The following AARS2 variants were observed in gnomAD, a reference collection of about 807,000 sequenced individuals.
AARS2 encodes alanyl-tRNA synthetase 2, mitochondrial.
Under a neutral mutation model 119.7 loss-of-function variants are expected in AARS2, and 78 were observed. The observed-to-expected ratio is 0.65, with a 90% CI of 0.54 to 0.79. AARS2 has a LOEUF of 0.79. AARS2 is among the 30% of genes least tolerant of loss of function. AARS2 has a pLI of 0.00. For synonymous variants in AARS2, 502 were observed against 526.3 expected (o/e 0.95, Z 0.63); for missense variants, 1,157 against 1,291.3 (o/e 0.90, Z 1.59).
At position 44,301,423 on chromosome 6, in the gene AARS2, C is replaced by G. The variant is rs1204084676; in HGVS notation, c.2640G>C (p.Lys880Asn). Residue 880 changes from lysine to asparagine, a missense_variant, in exon 20 of 22, where the codon AAG becomes AAC. Transcript: ENST00000244571. The part of the protein sequence containing the change: ...KTQELLERHS[K>N]GPLIVDTVSA... ...AGACTGTGTCCACAATCAGAGGCCCCTTCGAGTGCCGCTCCAGCAGCTCCT... is the reference window on the plus strand; with the variant it reads ...AGACTGTGTCCACAATCAGAGGCCCGTTCGAGTGCCGCTCCAGCAGCTCCT... 6.2e-7 allele frequency: 1 copy of G among 1,613,984 alleles called. No individual in the cohort carries two copies. The highest frequency in any genetic ancestry group is 2.2e-5 in the East Asian group (1 of 44,880).
At position 44,305,558 on chromosome 6, in the gene AARS2, G is replaced by T. The variant is rs1785771356; in HGVS notation, c.1434+95C>A. 1.9e-6 allele frequency: 3 copies of T among 1,578,522 alleles called. No homozygotes were observed. Among genetic ancestry groups the T allele is most frequent in the Non-Finnish European group, 2.6e-6 (3 of 1,151,612 alleles). ...GGGACAGATCCTATCTCAGCCTCTT[G>T]ATTCCTCTCAATATTCACAGCTCCT... On this transcript the variant is annotated intron_variant, in intron 10 of 21. Coordinates refer to ENST00000244571, the MANE Select transcript of AARS2 (RefSeq NM_020745.4). The surrounding 1 kb of genome is among the most constrained non-coding windows in gnomAD (Gnocchi z 4.6).
At position 44,300,704 on chromosome 6, in the gene AARS2, A is replaced by G; in HGVS notation, c.2801T>C (p.Met934Thr). 6.2e-7 allele frequency: 1 copy of G among 1,612,706 alleles called. No homozygotes were observed. Residue 934 changes from methionine (M) to threonine (T), a missense_variant, in exon 22 of 22, where the codon ATG becomes ACG. By Grantham distance (81) the Met-to-Thr change is moderately conservative. Transcript: ENST00000244571. ...CCAGGCCTCTGCTGTGAAGGTGGGC[A>G]TGGCACCCTAGGAACAGAATCAGAA... ...LCACQVAQGA[M>T]PTFTAEAWAL...
intron 20 of AARS2, 37 bp downstream of exon 20, chr6:44,301,344 C>G (rs776401409): frequency 6.2e-7 from 1 of 1,613,886 alleles, no homozygotes; most frequent in South Asian, 1.1e-5. Context: ...TTTGCCCTCC[C>G]CAGACCCTGG....
At chr6:44,303,013 G>A in intron 16 of AARS2, 53 bp downstream of exon 16, 2 of 1,608,608 alleles carry the variant, frequency 1.2e-6, no homozygotes, top group South Asian at 1.1e-5. Flanking sequence ...AAGACCAAGG[G>A]AAGGGCAAGG....
At chr6:44,302,029 G>C (rs374438945) in intron 19 of AARS2, 31 bp downstream of exon 19, 24 of 1,607,402 alleles carry the variant, frequency 1.5e-5, no homozygotes, top group Non-Finnish European at 2.0e-5. Context: ...AGTGTCTCTG[G>C]GCACATGGGT....
At chr6:44,302,715 T>A (rs1157472557) in intron 17 of AARS2, 87 bp downstream of exon 17, 42 of 1,474,902 alleles carry the variant, frequency 2.8e-5, no homozygotes, top group Non-Finnish European at 3.9e-5. Flanking sequence ...GCTCTGCTGC[T>A]GGGCACCCCT....
In AARS2 at chr6:44,304,282, G is replaced by C; in HGVS notation, c.1906C>G (p.His636Asp). The change falls in exon 14 of 22, where the codon CAC (histidine) becomes GAC (aspartate). Residue 636 changes from histidine to aspartate, a missense_variant. His to Asp is a moderately conservative substitution (Grantham distance 81, BLOSUM62 -1). Coordinates refer to ENST00000244571, the MANE Select transcript of AARS2 (RefSeq NM_020745.4). ...LGCMAKHTATHLLNWALRQTL... is the reference protein window; with the variant it reads ...LGCMAKHTATDLLNWALRQTL... ...TGCCTCAGTGCCCAGTTCAGCAGGT[G>C]GGTGGCCGTATGCTTCGCCATGCAG... 6.2e-7 allele frequency: 1 copy of C among 1,614,202 alleles called. No homozygotes were observed. Among genetic ancestry groups the C allele is most frequent in the Non-Finnish European group, 8.5e-7 (1 of 1,180,026 alleles).
At chr6:44,311,307 G>C in intron 3 of AARS2, 83 bp downstream of exon 3, 1 of 1,607,210 alleles carries the variant, frequency 6.2e-7, no homozygotes, top group Middle Eastern at 1.7e-4. Context: ...GAAATGCTAA[G>C]ACTCTGAGGA....
chr6:44,307,309 T>C lies in AARS2; in HGVS notation c.980A>G (p.His327Arg). The change falls in exon 6 of 22, where the codon CAC becomes CGC. Residue 327 changes from histidine to arginine, a missense_variant. His to Arg is a conservative substitution (Grantham distance 29). Coordinates refer to ENST00000244571, the MANE Select transcript of AARS2 (RefSeq NM_020745.4). This position sits in a 1 kb window ranked among gnomAD's most constrained non-coding sequence, Gnocchi z 4.4. Reference sequence around the variant, plus strand: ...GATGCAGACACTGAGTGTGCGGATGTGGTCAGCCACCACGCGGTACGCTGT... The same window carrying C: ...GATGCAGACACTGAGTGTGCGGATGCGGTCAGCCACCACGCGGTACGCTGT... ...TDTAYRVVAD[H>R]IRTLSVCISD... is the part of the protein sequence containing the mutation. 1 of 1,613,812 alleles carries C rather than the reference T, an allele frequency of 6.2e-7. No homozygotes were observed. The highest frequency in any genetic ancestry group is 8.5e-7 in the Non-Finnish European group (1 of 1,179,896).
chr6:44,307,721 G>T lies in AARS2; in HGVS notation c.895-327C>A. ...GTATTAGCATGCTTGCTTTAAAGAA[G>T]AAGAAGCTGAGGCTCAGAGGAACTC... On this transcript the variant is annotated intron_variant, in intron 5 of 21. Coordinates refer to ENST00000244571, the MANE Select transcript of AARS2 (RefSeq NM_020745.4). The surrounding 1 kb of genome is among the most constrained non-coding windows in gnomAD (Gnocchi z 4.4). 1 of 382,598 alleles carries T rather than the reference G, an allele frequency of 2.6e-6. No homozygotes were observed. Among genetic ancestry groups the T allele is most frequent in the Non-Finnish European group, 4.9e-6 (1 of 203,472 alleles). The allele number at this position is 382,598 out of a possible 1,614,324, so 23.7% of individuals were successfully genotyped here.
rs1275979077 is a variant in AARS2, at chr6:44,307,438, C to T, written c.895-44G>A. On this transcript the variant is annotated intron_variant, in intron 5 of 21. Transcript: ENST00000244571. This position sits in a 1 kb window ranked among gnomAD's most constrained non-coding sequence, Gnocchi z 4.4. ...AGCCAGTGGCCCTGCCTGACCTGGC[C>T]CAGGTGGGTGCTCTTTATCGCCTCT... is the stretch of plus-strand genomic sequence containing the variant. The T allele has an allele frequency of 6.4e-7, 1 of 1,563,554 alleles. No individual in the cohort carries two copies. Among genetic ancestry groups the T allele is most frequent in the Non-Finnish European group, 8.6e-7 (1 of 1,157,978 alleles).
intron 7 of AARS2, 37 bp from the exon 8 acceptor site, chr6:44,306,569 G>A (rs1785870697): frequency 6.2e-7 from 1 of 1,613,618 alleles, no homozygotes; most frequent in African/African-American, 1.3e-5. Flanking sequence ...GGTGTGAAAG[G>A]CAACCAACCC....
Position 44,310,288 on chromosome 6 carries a change from G to C in AARS2, c.894+11C>G. On this transcript the variant is annotated intron_variant, in intron 5 of 21. Transcript: ENST00000244571. ...AGGTTAGAGGGCTTCTGGAAGGGAA[G>C]AGGCACTCACCTGCTGTATGGCGTT... The C allele has an allele frequency of 1.3e-6, 2 of 1,585,924 alleles. No individual in the cohort carries two copies. The highest frequency in any genetic ancestry group is 1.3e-5 in the African/African-American group (1 of 74,806).
At chr6:44,302,020 G>T in intron 19 of AARS2, 40 bp downstream of exon 19, 1 of 1,598,594 alleles carries the variant, frequency 6.3e-7, no homozygotes, top group African/African-American at 1.3e-5. Context: ...ATCTGCTGGA[G>T]TGTCTCTGGG....
At position 44,310,305 on chromosome 6, in the gene AARS2, T is replaced by C. The variant is rs372128653; in HGVS notation, c.888A>G (p.Ile296Met). The change falls in exon 5 of 22, where the codon ATA (isoleucine) becomes ATG (methionine). Residue 296 changes from isoleucine (I) to methionine (M), a missense_variant. By Grantham distance (10) the Ile-to-Met change is conservative. Transcript: ENST00000244571. ...TDLFSPLLNA[I>M]QQGCRAPPYL... Reference sequence around the variant, plus strand: ...GAAGGGAAGAGGCACTCACCTGCTGTATGGCGTTGAGCAGCGGGGAAAAGA... The same window carrying C: ...GAAGGGAAGAGGCACTCACCTGCTGCATGGCGTTGAGCAGCGGGGAAAAGA... The C allele has an allele frequency of 3.8e-6, 6 of 1,598,960 alleles. No individual in the cohort carries two copies. The highest frequency in any genetic ancestry group is 5.1e-6 in the Non-Finnish European group (6 of 1,172,400).
intron 14 of AARS2, 46 bp from the exon 15 acceptor site, chr6:44,303,469 C>T (rs1229919716): frequency 6.2e-7 from 1 of 1,613,544 alleles, no homozygotes; most frequent in South Asian, 1.1e-5. Context: ...GCAGTCAGCC[C>T]CACACCTCTA....
chr6:44,306,874 C>T (rs746480944), intron 7 of AARS2, 49 bp downstream of exon 7: 75 of 1,572,206 alleles, frequency 4.8e-5, no homozygotes, highest in Non-Finnish European at 6.5e-5. Flanking sequence ...TGGTAGGCTC[C>T]CCAAAGTGCC....
rs12204222 is a variant in AARS2 at position 44,301,685 on chromosome 6, T to C, written c.2599-221A>G. Among the ~76,000 whole-genome samples, 5,469 of 152,124 alleles carry C rather than the reference T, an allele frequency of 0.036. 135 individuals carry two copies. Among genetic ancestry groups the C allele is most frequent in the Middle Eastern group, 0.054 (16 of 294 alleles). ...CACTTCCCTCACCACTTCCCTTTCA[T>C]CATAGCTTCAGGCCCCTACAAATAG... On this transcript the variant is annotated intron_variant, in intron 19 of 21. Coordinates refer to ENST00000244571, the MANE Select transcript of AARS2 (RefSeq NM_020745.4).
At chr6:44,303,649 C>T (rs926839357) in intron 14 of AARS2, among the ~76,000 whole-genome samples, 5 of 151,964 alleles carry the variant, frequency 3.3e-5, no homozygotes, top group African/African-American at 9.7e-5. Flanking sequence ...TCACCAGGCA[C>T]CAAAAGTTAA....
Sources: gnomAD v4.1 joint callset for allele counts (sites outside exome capture counted in the v4.1 genomes callset) on GRCh38, gnomAD v4.1.1 for gene constraint, Gnocchi (gnomAD v3.1) non-coding constraint, MANE v1.5 for transcripts, NCBI Gene and HGNC (gene_info 2026-07-23, HGNC 2026-07-21) for gene names.